PMS1: variants seen among roughly 807,000 people sequenced by gnomAD.
PMS1 encodes PMS1 protein homolog 1.
Under a neutral mutation model 93.1 loss-of-function variants are expected in PMS1, and 79 were observed. That is an observed-to-expected ratio of 0.85 (90% CI 0.71 to 1.02). The LOEUF is 1.02. Among genes scored for constraint, PMS1 ranks in the 50% least tolerant of loss-of-function variants. The pLI, the probability that PMS1 is intolerant of heterozygous loss-of-function variation, is 0.00. For synonymous variants in PMS1, 335 were observed against 363.4 expected (o/e 0.92, Z 0.89); for missense variants, 1,064 against 1,085.3 (o/e 0.98, Z 0.28).
At chr2:189,855,841 A>C in intron 9 of PMS1, 1 of 1,064,990 alleles carries the variant, frequency 9.4e-7, no homozygotes, top group Non-Finnish European at 1.2e-6. Context: ...CACTTAATAT[A>C]AACACAAAAT....
At chr2:189,849,794 G>A (rs1305849571) in intron 6 of PMS1, among the ~76,000 whole-genome samples, 4 of 151,100 alleles carry the variant, frequency 2.6e-5, no homozygotes. Flanking sequence ...CCTTGTTCTT[G>A]GTTTGGAGTT....
chr2:189,812,755 C>T (rs186124867), intron 4 of PMS1, among the ~76,000 whole-genome samples: 1 of 152,130 alleles, frequency 6.6e-6, no homozygotes, highest in African/African-American at 2.4e-5. Context: ...GAAAGTAATA[C>T]AAAGTTATAT....
chr2:189,856,383 A>G (rs1004430335), intron 9 of PMS1, among the ~76,000 whole-genome samples: 2 of 152,092 alleles, frequency 1.3e-5, no homozygotes, highest in African/African-American at 4.8e-5. Context: ...TATCTCTAAG[A>G]GATAAAGATA....
intron 5 of PMS1, among the ~76,000 whole-genome samples, chr2:189,838,554 C>T (rs1454595197): frequency 6.6e-6 from 1 of 152,046 alleles, no homozygotes; most frequent in Non-Finnish European, 1.5e-5. Flanking sequence ...GGTCAGAAAT[C>T]TGGGAGGCAT....
At chr2:189,808,504 T>C (rs1386710256) in intron 4 of PMS1, among the ~76,000 whole-genome samples, 1 of 151,924 alleles carries the variant, frequency 6.6e-6, no homozygotes, top group East Asian at 1.9e-4. Context: ...ATTTTTGTGT[T>C]TTTTTTAGTA....
chr2:189,826,337 A>G (rs1447396099), intron 5 of PMS1, among the ~76,000 whole-genome samples: 3 of 152,080 alleles, frequency 2.0e-5, no homozygotes, highest in Admixed American at 2.0e-4. Context: ...CAATCTGGAA[A>G]GTTTGGGTGT....
At chr2:189,864,751 A>G (rs866599351) in intron 10 of PMS1, among the ~76,000 whole-genome samples, 1 of 110,448 alleles carries the variant, frequency 9.1e-6, no homozygotes, top group African/African-American at 3.2e-5. Flanking sequence ...CTAATCTTTA[A>G]TGGAATTGTT....
chr2:189,801,318 T>A (rs931467160), intron 3 of PMS1, among the ~76,000 whole-genome samples: 5 of 152,226 alleles, frequency 3.3e-5, no homozygotes, highest in Admixed American at 1.3e-4. Context: ...ATTTATTGTT[T>A]GTAGAGCAAT....
At chr2:189,786,885 C>G (rs2048394454) in intron 1 of PMS1, among the ~76,000 whole-genome samples, 1 of 152,018 alleles carries the variant, frequency 6.6e-6, no homozygotes, top group Non-Finnish European at 1.5e-5. Flanking sequence ...AACCTTGGCT[C>G]TACTAAAAAT....
At chr2:189,791,733 T>A in intron 1 of PMS1, 57 bp from the exon 2 acceptor site, 1 of 1,215,990 alleles carries the variant, frequency 8.2e-7, no homozygotes, top group Non-Finnish European at 1.2e-6. Flanking sequence ...TATTGCCATT[T>A]GTCCTGTTGG....
In PMS1 at chr2:189,821,451, C is replaced by T. The variant is rs1234339383; in HGVS notation, c.582+3271C>T. The stretch of plus-strand genomic sequence containing the variant: ...CAGCCTGGGCTACAGAGGGAGACTC[C>T]GTCTCAAAAAAAAAAAAAAAGAAAG... On this transcript the variant is annotated intron_variant, in intron 5 of 12. Coordinates refer to ENST00000441310, the MANE Select transcript of PMS1 (RefSeq NM_000534.5). Among the ~76,000 whole-genome samples, 139 of 111,776 alleles carry T rather than the reference C, an allele frequency of 1.2e-3. 1 individual carries two copies. Among genetic ancestry groups the T allele is most frequent in the Middle Eastern group, 8.9e-3 (1 of 112 alleles). The allele number at this position is 111,776 out of a possible 152,430, so 73.3% of individuals were successfully genotyped here.
chr2:189,805,648 C>G lies in PMS1; in HGVS notation c.316-4C>G. ...TAGTTTTATTAGATGTTTTTTTCCC[C>G]CAGGTTTTAATTACAACAAGAACGG... On this transcript the variant is annotated splice_polypyrimidine_tract_variant and splice_region_variant and intron_variant, in intron 3 of 12. Transcript: ENST00000441310. 4 of 1,611,622 alleles carry G rather than the reference C, an allele frequency of 2.5e-6. No individual in the cohort carries two copies. Among genetic ancestry groups the G allele is most frequent in the Non-Finnish European group, 3.4e-6 (4 of 1,178,082 alleles).
Position 189,877,418 on chromosome 2 carries a change from T to C in PMS1, c.2781T>C (p.Tyr927=). ...HGRPFFHHLT[Y]LPETT is the part of the protein sequence containing the mutation. ...GCCCATTTTTTCATCATTTAACCTATCTTCCAGAAACTACATGATTAAATA... is the reference window on the plus strand; with the variant it reads ...GCCCATTTTTTCATCATTTAACCTACCTTCCAGAAACTACATGATTAAATA... Residue 927 remains tyrosine (Y), a synonymous_variant, in exon 13 of 13, where the codon TAT becomes TAC. Coordinates refer to ENST00000441310, the MANE Select transcript of PMS1 (RefSeq NM_000534.5). 6.2e-7 allele frequency: 1 copy of C among 1,611,614 alleles called. No homozygotes were observed. The highest frequency in any genetic ancestry group is 8.5e-7 in the Non-Finnish European group (1 of 1,177,760).
chr2:189,852,529 T>C (rs2054851028), intron 6 of PMS1, 126 bp from the exon 7 acceptor site: 1 of 782,556 alleles, frequency 1.3e-6, no homozygotes, highest in South Asian at 1.6e-5. Context: ...TCAGGAAGTA[T>C]ATGGCTTTTT....
intron 11 of PMS1, among the ~76,000 whole-genome samples, chr2:189,872,784 C>T (rs577021713): frequency 6.6e-6 from 1 of 152,174 alleles, no homozygotes; most frequent in Non-Finnish European, 1.5e-5. Flanking sequence ...AGGCACGTAC[C>T]ACCACACTCG....
intron 10 of PMS1, 74 bp from the exon 11 acceptor site, chr2:189,867,725 A>G: frequency 9.5e-7 from 1 of 1,052,446 alleles, no homozygotes; most frequent in Non-Finnish European, 1.5e-6. Context: ...AAAGGGCCCT[A>G]GGATTAACTT....
chr2:189,839,303 T>C (rs1420445372), intron 5 of PMS1, among the ~76,000 whole-genome samples: 1 of 152,228 alleles, frequency 6.6e-6, no homozygotes, highest in Non-Finnish European at 1.5e-5. Flanking sequence ...TGATCACATT[T>C]TATAAAAATC....
At chr2:189,822,447 G>A (rs548108958) in intron 5 of PMS1, among the ~76,000 whole-genome samples, 10 of 149,052 alleles carry the variant, frequency 6.7e-5, no homozygotes, top group Non-Finnish European at 1.5e-4. Context: ...CTTAAATAGA[G>A]GGTTTTTTTT....
At chr2:189,793,796 C>T (rs1042149412) in intron 2 of PMS1, among the ~76,000 whole-genome samples, 20 of 152,156 alleles carry the variant, frequency 1.3e-4, no homozygotes, top group Admixed American at 1.1e-3. Context: ...AAGATATACA[C>T]CTTAAATGTG....
Sources: gnomAD v4.1 joint callset for allele counts (sites outside exome capture counted in the v4.1 genomes callset) on GRCh38, gnomAD v4.1.1 for gene constraint, MANE v1.5 for transcripts, NCBI Gene and HGNC (gene_info 2026-07-23, HGNC 2026-07-21) for gene names.